The following DDX31 variants were observed in gnomAD, a reference collection of about 807,000 sequenced individuals.
The protein encoded by DDX31 is ATP-dependent DNA helicase DDX31.
In DDX31, 70 loss-of-function variants were observed where a neutral mutation model predicts 91.3. The observed-to-expected ratio is 0.77, with a 90% CI of 0.63 to 0.94. The LOEUF (loss-of-function observed/expected upper bound fraction) is 0.94. Ranked by LOEUF, DDX31 falls within the 40% of genes least tolerant of loss-of-function variation. The pLI, the probability that DDX31 is intolerant of heterozygous loss-of-function variation, is 0.00. For synonymous variants in DDX31, 362 were observed against 350.6 expected (o/e 1.03, Z -0.36); for missense variants, 902 against 925.0 (o/e 0.98, Z 0.32).
chr9:132,600,360 T>C (rs922843310), intron 19 of DDX31, among the ~76,000 whole-genome samples: 1 of 152,202 alleles, frequency 6.6e-6, no homozygotes, highest in South Asian at 2.1e-4. Flanking sequence ...AGTTGAGTCC[T>C]GCTGTGGCAG....
chr9:132,654,998 T>C (rs1044077007), intron 6 of DDX31, among the ~76,000 whole-genome samples: 1 of 151,044 alleles, frequency 6.6e-6, no homozygotes. Flanking sequence ...CTGAGAGCAT[T>C]GGAGGGCATG....
At chr9:132,642,170 C>G in intron 13 of DDX31, 107 bp from the exon 14 acceptor site, 1 of 988,672 alleles carries the variant, frequency 1.0e-6, no homozygotes, top group Middle Eastern at 2.1e-4. Context: ...GAGCTATTTT[C>G]AGGCACAGAG....
intron 19 of DDX31, among the ~76,000 whole-genome samples, chr9:132,610,747 A>C (rs556848654): frequency 1.2e-3 from 186 of 152,174 alleles, no homozygotes; most frequent in Middle Eastern, 3.4e-3. Context: ...GGATTACAGG[A>C]ATCACCTGAT....
At chr9:132,646,127 A>C in intron 12 of DDX31, 56 bp from the exon 13 acceptor site, 8 of 1,556,786 alleles carry the variant, frequency 5.1e-6, no homozygotes, top group Non-Finnish European at 7.0e-6. Flanking sequence ...GGTGACGCCA[A>C]AACGAATATT....
intron 14 of DDX31, chr9:132,637,998 A>T: frequency 1.2e-5 from 13 of 1,078,934 alleles, no homozygotes; most frequent in Non-Finnish European, 1.5e-5. Context: ...CTGCACAGAC[A>T]GAACAGTATG....
At chr9:132,652,786 G>A (rs918350479) in intron 6 of DDX31, among the ~76,000 whole-genome samples, 3 of 152,194 alleles carry the variant, frequency 2.0e-5, no homozygotes, top group Non-Finnish European at 4.4e-5. Flanking sequence ...AGTCTCACGA[G>A]ATCTGATGGG....
At chr9:132,654,540 G>T (rs1296156782) in intron 6 of DDX31, among the ~76,000 whole-genome samples, 1 of 152,176 alleles carries the variant, frequency 6.6e-6, no homozygotes, top group Non-Finnish European at 1.5e-5. Context: ...TTGAACCCAG[G>T]AGGTGGAGGT....
At position 132,594,887 on chromosome 9, in the gene DDX31, G is replaced by T. The variant is rs374708193; in HGVS notation, c.2220C>A (p.Ser740Arg). 9.9e-6 allele frequency: 16 copies of T among 1,613,590 alleles called. No homozygotes were observed. The African/African-American group carries it at 2.0e-4, about 20-fold the overall frequency. Residue 740 changes from serine to arginine, a missense_variant, in exon 20 of 20, where the codon AGC (serine) becomes AGA (arginine). Transcript: ENST00000372159. ...GATTTTAAACTTTCTGGGAAGTCTT[G>T]CTGTCCCGCTGTACACCTTTTTGGG... ...RKTQKGVQRD[S>R]KTSQKV
At chr9:132,599,285 G>C (rs1830602585) in intron 19 of DDX31, among the ~76,000 whole-genome samples, 1 of 152,320 alleles carries the variant, frequency 6.6e-6, no homozygotes, top group East Asian at 1.9e-4. Context: ...AATCAGTAAT[G>C]CAAGAGCTGG....
At chr9:132,634,585 GTTTTTTTTTT>G in intron 14 of DDX31, among the ~76,000 whole-genome samples, 1 of 103,102 alleles carries the variant, frequency 9.7e-6, no homozygotes, top group East Asian at 3.2e-4. Flanking sequence ...TACCTAAGAT[GTTTTTTTTTT>G]TTTTTTTTTT....
At chr9:132,643,091 T>C (rs948070591) in intron 13 of DDX31, among the ~76,000 whole-genome samples, 1 of 152,198 alleles carries the variant, frequency 6.6e-6, no homozygotes, top group African/African-American at 2.4e-5. Context: ...CCCAAAGTGC[T>C]AGGATTACAG....
chr9:132,618,273 G>T (rs551621563), intron 18 of DDX31, 57 bp downstream of exon 18: 11 of 1,459,776 alleles, frequency 7.5e-6, no homozygotes, highest in African/African-American at 2.8e-5. Context: ...GGGTGAAGGT[G>T]GGGGAGAGCA....
chr9:132,597,273 G>A (rs980080074), intron 19 of DDX31, among the ~76,000 whole-genome samples: 1 of 152,174 alleles, frequency 6.6e-6, no homozygotes, highest in African/African-American at 2.4e-5. Context: ...CCAAGCTGCT[G>A]GGGGCTGACC....
At chr9:132,663,819 C>T (rs77038158) in intron 1 of DDX31, among the ~76,000 whole-genome samples, 246 of 152,258 alleles carry the variant, frequency 1.6e-3, no homozygotes, top group African/African-American at 5.7e-3. Flanking sequence ...TAAAAACGGA[C>T]ATATTCCATC....
chr9:132,609,489 G>A (rs538270109), intron 19 of DDX31, among the ~76,000 whole-genome samples: 4 of 152,212 alleles, frequency 2.6e-5, no homozygotes, highest in East Asian at 1.9e-4. Flanking sequence ...GATCTGGGCC[G>A]GTCTGAGGAG....
intron 13 of DDX31, among the ~76,000 whole-genome samples, chr9:132,645,549 T>C (rs970555379): frequency 7.9e-5 from 12 of 152,140 alleles, no homozygotes; most frequent in Admixed American, 7.9e-4. Context: ...GGCAAAACCC[T>C]TCCCTGGTGC....
intron 15 of DDX31, among the ~76,000 whole-genome samples, chr9:132,630,650 C>G (rs1832665551): frequency 6.6e-6 from 1 of 152,232 alleles, no homozygotes; most frequent in South Asian, 2.1e-4. Context: ...CTTCTCATCC[C>G]AGTATCTCCT....
Position 132,665,389 on chromosome 9 carries a change from G to A in DDX31, c.76-2694C>T, listed in dbSNP as rs1400034207. ...CTTGAGGAAGTTACACACTAGCAGA[G>A]GAGACAAAAGTATAAAGGCATAAAT... On this transcript the variant is annotated intron_variant, in intron 1 of 19. Transcript: ENST00000372159. Among the ~76,000 whole-genome samples the A allele has an allele frequency of 2.0e-5, 3 of 152,256 alleles. No homozygotes were observed. In the East Asian group the frequency reaches 5.8e-4, roughly 29 times the overall value.
At chr9:132,602,026 C>T (rs1830748352) in intron 19 of DDX31, among the ~76,000 whole-genome samples, 1 of 152,208 alleles carries the variant, frequency 6.6e-6, no homozygotes, top group Non-Finnish European at 1.5e-5. Flanking sequence ...GGCATATTGT[C>T]ATGTGAACTA....
Sources: allele counts gnomAD v4.1 joint callset (sites outside exome capture counted in the v4.1 genomes callset), GRCh38; gene constraint gnomAD v4.1.1; transcripts MANE v1.5; gene names NCBI Gene and HGNC (gene_info 2026-07-23, HGNC 2026-07-21).